The following IDO1 variants were observed in gnomAD, a reference collection of about 807,000 sequenced individuals.
The protein encoded by IDO1 is indoleamine 2,3-dioxygenase 1.
IDO1 carries 35 observed loss-of-function variants against 38.8 expected under a neutral mutation model. The observed-to-expected ratio is 0.90, with a 90% confidence interval of 0.69 to 1.20. The LOEUF (loss-of-function observed/expected upper bound fraction) is 1.20, where lower values mean the gene tolerates loss of function less well. Among genes scored for constraint, IDO1 ranks in the 50% most tolerant of loss-of-function variants. The pLI is 0.00. For synonymous variants in IDO1, 171 were observed against 170.0 expected (o/e 1.01, Z -0.05); for missense variants, 509 against 485.1 (o/e 1.05, Z -0.46).
chr8:39,927,553 C>A (rs566776313), intron 9 of IDO1, among the ~76,000 whole-genome samples: 1 of 143,042 alleles, frequency 7.0e-6, no homozygotes, highest in Non-Finnish European at 1.5e-5. Flanking sequence ...GAGCGAGACT[C>A]TGTCTCAAAA....
intron 3 of IDO1, 95 bp downstream of exon 3, chr8:39,918,302 G>C (rs985868821): frequency 1.6e-6 from 2 of 1,274,942 alleles, no homozygotes; most frequent in African/African-American, 3.0e-5. Context: ...CATTATAACT[G>C]CATCATGCAA....
Position 39,925,319 on chromosome 8 carries a change from C to T in IDO1, c.804C>T (p.Ser268=), listed in dbSNP as rs746805754. The T allele has an allele frequency of 4.2e-5, 67 of 1,613,072 alleles. No individual in the cohort carries two copies. The highest frequency in any genetic ancestry group is 5.6e-5 in the Non-Finnish European group (66 of 1,179,582). ...CAGGGGGCAGTGCAGGCCAAAGCAGCGTCTTTCAGTGCTTTGACGTCCTGC... is the reference window on the plus strand; with the variant it reads ...CAGGGGGCAGTGCAGGCCAAAGCAGTGTCTTTCAGTGCTTTGACGTCCTGC... ...EFAGGSAGQS[S]VFQCFDVLLG... The change falls in exon 9 of 10, where the codon AGC becomes AGT. Residue 268 remains serine, a synonymous_variant. Coordinates refer to ENST00000518237, the MANE Select transcript of IDO1 (RefSeq NM_002164.6).
rs548964161 is a variant in IDO1 at position 39,914,761 on chromosome 8, T to TTTA, written c.87+770_87+772dup. Among the ~76,000 whole-genome samples, 617 of 151,772 alleles carry TTTA rather than the reference T, an allele frequency of 4.1e-3. 4 individuals are homozygous for TTTA. Among genetic ancestry groups the TTTA allele is most frequent in the African/African-American group, 0.014 (577 of 41,438 alleles). On this transcript the variant is annotated intron_variant, in intron 1 of 9. Transcript: ENST00000518237. Reference sequence around the variant, plus strand: ...TCCCAAAAGTTATGTATGTTATTTATTTATTATTATTATTATTATTTTGAG... The same window carrying TTTA: ...TCCCAAAAGTTATGTATGTTATTTATTTATTATTATTATTATTATTATTTTGAG...
In IDO1 at chr8:39,922,600, A is replaced by G. The variant is rs899938176; in HGVS notation, c.486A>G (p.Gly162=). The G allele has an allele frequency of 6.2e-7, 1 of 1,613,746 alleles. No individual in the cohort carries two copies. Among genetic ancestry groups the G allele is most frequent in the African/African-American group, 1.3e-5 (1 of 75,060 alleles). Residue 162 remains glycine (G), a synonymous_variant, in exon 6 of 10, where the codon GGA becomes GGG. Transcript: ENST00000518237. ...FSFRDGDCSK[G]FFLVSLLVEI... is the part of the protein sequence containing the mutation. ...TTCGTGATGGAGACTGCAGTAAAGGATTCTTCCTGGTCTCTCTATTGGTGG... is the reference window on the plus strand; with the variant it reads ...TTCGTGATGGAGACTGCAGTAAAGGGTTCTTCCTGGTCTCTCTATTGGTGG...
intron 9 of IDO1, among the ~76,000 whole-genome samples, chr8:39,925,928 C>T (rs1035645068): frequency 1.3e-4 from 20 of 152,068 alleles, no homozygotes; most frequent in African/African-American, 4.3e-4. Flanking sequence ...TCGCTCACGC[C>T]TGTAATCCTA....
intron 1 of IDO1, among the ~76,000 whole-genome samples, chr8:39,914,917 C>T (rs1807151243): frequency 6.6e-6 from 1 of 152,128 alleles, no homozygotes; most frequent in African/African-American, 2.4e-5. Context: ...AGGCACCTGC[C>T]ACCACACCCA....
At chr8:39,924,633 C>A in intron 7 of IDO1, 88 bp from the exon 8 acceptor site, 2 of 934,234 alleles carry the variant, frequency 2.1e-6, no homozygotes, top group East Asian at 2.5e-5. Flanking sequence ...CAGCCTGTGC[C>A]AAAATCCATT....
At chr8:39,917,739 G>T in intron 1 of IDO1, 136 bp from the exon 2 acceptor site, 1 of 621,454 alleles carries the variant, frequency 1.6e-6, no homozygotes, top group South Asian at 2.0e-5. Flanking sequence ...GACAGAGGCT[G>T]GTGTTTCCAG....
chr8:39,927,453 C>T (rs1296472115), intron 9 of IDO1, among the ~76,000 whole-genome samples: 13 of 150,768 alleles, frequency 8.6e-5, no homozygotes, highest in South Asian at 4.2e-4. Context: ...CCAGCTACTC[C>T]GGAGGCTGAG....
intron 4 of IDO1, among the ~76,000 whole-genome samples, chr8:39,919,320 A>T (rs1431628119): frequency 1.3e-5 from 2 of 152,124 alleles, no homozygotes; most frequent in African/African-American, 4.8e-5. Flanking sequence ...CAAAAATTAG[A>T]TGATTTTTGT....
In IDO1 at chr8:39,917,956, G is replaced by GA; in HGVS notation, c.172dup (p.Arg58LysfsTer3). 1 of 1,613,076 alleles carries GA rather than the reference G, an allele frequency of 6.2e-7. No individual in the cohort carries two copies. Among genetic ancestry groups the GA allele is most frequent in the Non-Finnish European group, 8.5e-7 (1 of 1,179,284 alleles). ...TCTCATAGAGTCTGGCCAGCTTCGAGAAAGAGTTGAGAAGGTTTGACATAT... is the reference window on the plus strand; with the variant it reads ...TCTCATAGAGTCTGGCCAGCTTCGAGAAAAGAGTTGAGAAGGTTTGACATAT... On this transcript the variant is annotated frameshift_variant, in exon 2 of 10. Coordinates refer to ENST00000518237, the MANE Select transcript of IDO1 (RefSeq NM_002164.6). LOFTEE classifies it high-confidence loss of function.
At position 39,918,165 on chromosome 8, in the gene IDO1, C is replaced by A; in HGVS notation, c.261C>A (p.Thr87=). 6.2e-7 allele frequency: 1 copy of A among 1,613,886 alleles called. No individual in the cohort carries two copies. The highest frequency in any genetic ancestry group is 2.2e-5 in the East Asian group (1 of 44,874). The part of the protein sequence containing the change: ...RLARLVLGCI[T]MAYVWGKGHG... ...CACGTCTAGTTCTGGGATGCATCAC[C>A]ATGGCATATGTGTGGGGCAAAGGTC... Residue 87 remains threonine (T), a synonymous_variant, in exon 3 of 10, where the codon ACC becomes ACA. Coordinates refer to ENST00000518237, the MANE Select transcript of IDO1 (RefSeq NM_002164.6).
Position 39,923,561 on chromosome 8 carries a change from C to G in IDO1, c.630C>G (p.Ala210=). 4 of 1,611,736 alleles carry G rather than the reference C, an allele frequency of 2.5e-6. No individual in the cohort carries two copies. Among genetic ancestry groups the G allele is most frequent in the Non-Finnish European group, 2.5e-6 (3 of 1,177,958 alleles). ...AAATAGCTTCTTGCTTGGAGAAAGC[C>G]CTTCAAGTGTTTCACCAAATCCACG... The part of the protein sequence containing the change: ...LLEIASCLEK[A]LQVFHQIHDH... Residue 210 remains alanine (A), a synonymous_variant, in exon 7 of 10, where the codon GCC becomes GCG. Coordinates refer to ENST00000518237, the MANE Select transcript of IDO1 (RefSeq NM_002164.6).
At position 39,924,765 on chromosome 8, in the gene IDO1, T is replaced by G. The variant is rs776049118; in HGVS notation, c.700T>G (p.Leu234Val). ...ATTTTTCAGTGTTCTTCGCATATATTTGTCTGGGTATGTAGTCTTATGTTT... is the reference window on the plus strand; with the variant it reads ...ATTTTTCAGTGTTCTTCGCATATATGTGTCTGGGTATGTAGTCTTATGTTT... ...KAFFSVLRIY[L>V]SGWKGNPQLS... The change falls in exon 8 of 10, where the codon TTG becomes GTG. Residue 234 changes from leucine to valine, a missense_variant. Transcript: ENST00000518237. 25 of 1,607,492 alleles carry G rather than the reference T, an allele frequency of 1.6e-5. No individual in the cohort carries two copies. In the East Asian group the frequency reaches 2.9e-4, roughly 19 times the overall value.
intron 3 of IDO1, chr8:39,918,508 G>A (rs1807214370): frequency 2.2e-6 from 1 of 457,326 alleles, no homozygotes; most frequent in African/African-American, 2.0e-5. Context: ...CACTTTGAGA[G>A]GCCAAGGCCG....
At chr8:39,918,746 CAAAA>C (rs1214540367) in intron 3 of IDO1, 65 bp from the exon 4 acceptor site, 270 of 294,230 alleles carry the variant, frequency 9.2e-4, no homozygotes, top group East Asian at 2.3e-3. Flanking sequence ...GACTCCATCT[CAAAA>C]AAAAAAAAAA....
At chr8:39,917,202 T>G (rs1807187081) in intron 1 of IDO1, among the ~76,000 whole-genome samples, 1 of 152,132 alleles carries the variant, frequency 6.6e-6, no homozygotes, top group Non-Finnish European at 1.5e-5. Context: ...CTAGCCAAGA[T>G]AAACCAAAGT....
At chr8:39,927,457 G>T (rs1807379274) in intron 9 of IDO1, among the ~76,000 whole-genome samples, 1 of 151,838 alleles carries the variant, frequency 6.6e-6, no homozygotes, top group African/African-American at 2.4e-5. Context: ...CTACTCCGGA[G>T]GCTGAGGCAG....
intron 4 of IDO1, among the ~76,000 whole-genome samples, chr8:39,919,250 C>G (rs551237533): frequency 1.3e-5 from 2 of 152,126 alleles, no homozygotes; most frequent in East Asian, 3.8e-4. Context: ...CAGAAAATTT[C>G]TTTGTGCCTC....
Sources: allele counts gnomAD v4.1 joint callset (sites outside exome capture counted in the v4.1 genomes callset), GRCh38; gene constraint gnomAD v4.1.1; transcripts MANE v1.5; gene names NCBI Gene and HGNC (gene_info 2026-07-23, HGNC 2026-07-21).